The following GMDS variants were observed in gnomAD, a reference collection of about 807,000 sequenced individuals.
The protein encoded by GMDS is GDP-mannose 4,6 dehydratase.
In GMDS, 20 loss-of-function variants were observed where a neutral mutation model predicts 49.9. The ratio of observed to expected loss-of-function variants is 0.40; its 90% CI spans 0.28 to 0.58. The LOEUF is 0.58. GMDS is among the 20% of genes least tolerant of loss of function. The pLI is 0.42. For missense variants in GMDS, 362 were observed against 481.4 expected, an observed-to-expected ratio of 0.75 and a Z score of 2.32; for synonymous variants, 177 against 178.6, an observed-to-expected ratio of 0.99 and a Z score of 0.07.
chr6:1,836,190 C>T lies in GMDS; in HGVS notation c.772-93604G>A, dbSNP rs1023307796. Among the ~76,000 whole-genome samples, 5 of 152,224 alleles carry T rather than the reference C, an allele frequency of 3.3e-5. No homozygotes were observed. Among genetic ancestry groups the T allele is most frequent in the South Asian group, 2.1e-4 (1 of 4,816 alleles). On this transcript the variant is annotated intron_variant, in intron 7 of 10. Coordinates refer to ENST00000380815, the MANE Select transcript of GMDS (RefSeq NM_001500.4). The surrounding 1 kb of genome is among the most constrained non-coding windows in gnomAD (Gnocchi z 4.2). Reference sequence around the variant, plus strand: ...CCTCGTTTGCTTTATTTTTTAAGTACGTTTTTGATTCACTAGTATCTTGTC... The same window carrying T: ...CCTCGTTTGCTTTATTTTTTAAGTATGTTTTTGATTCACTAGTATCTTGTC...
intron 7 of GMDS, among the ~76,000 whole-genome samples, chr6:1,844,028 G>T (rs1285524704): frequency 6.6e-6 from 1 of 152,172 alleles, no homozygotes; most frequent in Non-Finnish European, 1.5e-5. Flanking sequence ...CTTTCAATGT[G>T]AGGATATAAG....
At chr6:2,146,289 G>C (rs1208908591) in intron 1 of GMDS, among the ~76,000 whole-genome samples, 3 of 152,128 alleles carry the variant, frequency 2.0e-5, no homozygotes, top group Admixed American at 2.0e-4. Context: ...GCAAGATGTA[G>C]GATATACCTT....
intron 4 of GMDS, among the ~76,000 whole-genome samples, chr6:1,998,878 T>TC (rs1393068575): frequency 1.3e-5 from 2 of 151,674 alleles, no homozygotes; most frequent in Non-Finnish European, 2.9e-5. Flanking sequence ...GAAAACTGTT[T>TC]TTTTTAAAAC....
At chr6:1,877,625 G>A (rs1454831433) in intron 7 of GMDS, among the ~76,000 whole-genome samples, 2 of 134,636 alleles carry the variant, frequency 1.5e-5, no homozygotes, top group Admixed American at 8.1e-5. Flanking sequence ...ATGACAGAGT[G>A]AGACCCCATC....
intron 7 of GMDS, among the ~76,000 whole-genome samples, chr6:1,858,414 T>C (rs1453057825): frequency 6.6e-6 from 1 of 152,212 alleles, no homozygotes; most frequent in African/African-American, 2.4e-5. Context: ...GACCAAACTT[T>C]CTAACTGGGC....
intron 9 of GMDS, among the ~76,000 whole-genome samples, chr6:1,697,405 C>A (rs1376071907): frequency 4.6e-5 from 7 of 152,204 alleles, no homozygotes; most frequent in Admixed American, 4.6e-4. Flanking sequence ...CAAGAATAAT[C>A]CTGTGCCCCA....
At chr6:2,081,681 G>T (rs536121715) in intron 4 of GMDS, among the ~76,000 whole-genome samples, 3 of 152,120 alleles carry the variant, frequency 2.0e-5, no homozygotes, top group Admixed American at 6.6e-5. Flanking sequence ...ACAGTGTACC[G>T]ATTTGCTTTT....
Position 1,661,881 on chromosome 6 carries a change from A to AG in GMDS, c.988-37342dup, listed in dbSNP as rs1764087340. 2.0e-5 allele frequency among the ~76,000 whole-genome samples: 3 copies of AG among 151,468 alleles called. No individual in the cohort carries two copies. The South Asian group carries it at 6.2e-4, about 32-fold the overall frequency. On this transcript the variant is annotated intron_variant, in intron 9 of 10. Transcript: ENST00000380815. Reference sequence around the variant, plus strand: ...TTGTTAAGGGGCGGGTGGGTGCCTGAGGGGGCAGAAAATGGAGGAAGCATG... The same window carrying AG: ...TTGTTAAGGGGCGGGTGGGTGCCTGAGGGGGGCAGAAAATGGAGGAAGCATG...
intron 4 of GMDS, among the ~76,000 whole-genome samples, chr6:2,060,197 T>C (rs1046208082): frequency 1.3e-5 from 2 of 152,138 alleles, no homozygotes; most frequent in Non-Finnish European, 2.9e-5. Context: ...AAGGCGACCC[T>C]GGCGTACTGT....
intron 1 of GMDS, among the ~76,000 whole-genome samples, chr6:2,233,825 G>GAAAAAC (rs1260019133): frequency 3.9e-5 from 6 of 152,046 alleles, no homozygotes; most frequent in Admixed American, 2.6e-4. Context: ...ACTCCATCTC[G>GAAAAAC]AAAAACAAAA....
chr6:1,975,143 C>T (rs571122424), intron 4 of GMDS, among the ~76,000 whole-genome samples: 11 of 152,158 alleles, frequency 7.2e-5, no homozygotes, highest in African/African-American at 2.2e-4. Context: ...AATCTAGCAA[C>T]GTCTATGGCA....
At chr6:2,090,559 A>C (rs1237433606) in intron 4 of GMDS, among the ~76,000 whole-genome samples, 1 of 152,220 alleles carries the variant, frequency 6.6e-6, no homozygotes, top group East Asian at 1.9e-4. Context: ...TAAACTCTTA[A>C]GCTTATAAAA....
chr6:1,645,521 C>T (rs1283853039), intron 9 of GMDS, among the ~76,000 whole-genome samples: 6 of 152,218 alleles, frequency 3.9e-5, no homozygotes, highest in African/African-American at 1.2e-4. Context: ...CCGGAGCCCT[C>T]GCCTGGTGTT....
rs1344983454 is a variant in GMDS, at chr6:2,245,283, G to A, written c.102+38C>T. On this transcript the variant is annotated intron_variant, in intron 1 of 10. Transcript: ENST00000380815. Reference sequence around the variant, plus strand: ...CGCGTAGGGAGAGCACGCGTGCCCAGGCTGCCTCGGCCGGCGCGCCCCCGC... The same window carrying A: ...CGCGTAGGGAGAGCACGCGTGCCCAAGCTGCCTCGGCCGGCGCGCCCCCGC... The A allele has an allele frequency of 8.1e-6, 11 of 1,364,436 alleles. No homozygotes were observed. The Middle Eastern group carries it at 5.8e-4, about 71-fold the overall frequency. The allele number at this position is 1,364,436 out of a possible 1,614,324, so 84.5% of individuals were successfully genotyped here.
At chr6:1,912,416 C>T (rs1033998710) in intron 7 of GMDS, among the ~76,000 whole-genome samples, 7 of 152,138 alleles carry the variant, frequency 4.6e-5, no homozygotes, top group Non-Finnish European at 8.8e-5. Context: ...GGGAGCACTC[C>T]AACTTTTTAG....
At chr6:2,077,660 A>G (rs1341243525) in intron 4 of GMDS, among the ~76,000 whole-genome samples, 1 of 151,970 alleles carries the variant, frequency 6.6e-6, no homozygotes, top group African/African-American at 2.4e-5. Context: ...TTATCTTTTC[A>G]ATGTGCAGTA....
chr6:2,068,515 C>T (rs141215490), intron 4 of GMDS, among the ~76,000 whole-genome samples: 3,762 of 152,172 alleles, frequency 0.025, 147 homozygotes, highest in African/African-American at 0.084. Flanking sequence ...ACCTAGAAAA[C>T]CCCATTGTCT....
chr6:2,211,702 CG>C (rs1561661022), intron 1 of GMDS, among the ~76,000 whole-genome samples: 1 of 152,064 alleles, frequency 6.6e-6, no homozygotes. Flanking sequence ...GGAAAAAATA[CG>C]TATTTCATGT....
intron 1 of GMDS, among the ~76,000 whole-genome samples, chr6:2,156,450 T>C (rs1055516110): frequency 1.1e-4 from 16 of 152,030 alleles, no homozygotes; most frequent in African/African-American, 3.9e-4. Flanking sequence ...GCTCGACAAA[T>C]GGTGAGATTA....
Sources: gnomAD v4.1 joint callset for allele counts (sites outside exome capture counted in the v4.1 genomes callset) on GRCh38, gnomAD v4.1.1 for gene constraint, Gnocchi (gnomAD v3.1) non-coding constraint, MANE v1.5 for transcripts, NCBI Gene and HGNC (gene_info 2026-07-23, HGNC 2026-07-21) for gene names.